The following VAMP4 variants were observed in gnomAD, a reference collection of about 807,000 sequenced individuals.
VAMP4 encodes vesicle associated membrane protein 4.
In VAMP4, 19 loss-of-function variants were observed where a neutral mutation model predicts 23.5. The ratio of observed to expected loss-of-function variants is 0.81; its 90% CI spans 0.56 to 1.19. The LOEUF is 1.19. Among genes scored for constraint, VAMP4 ranks in the 50% most tolerant of loss-of-function variants. The probability of loss-of-function intolerance (pLI) is 0.00; values close to 1 mark genes in which losing one functional copy is unlikely to be tolerated. For missense variants in VAMP4, 145 were observed against 168.6 expected (o/e 0.86, Z 0.78); for synonymous variants, 31 against 51.0 (o/e 0.61, Z 1.67).
intron 3 of VAMP4, among the ~76,000 whole-genome samples, chr1:171,723,172 TTCACAAGGCAATAAAATA>T (rs1364409605): frequency 6.6e-6 from 1 of 152,136 alleles, no homozygotes; most frequent in Non-Finnish European, 1.5e-5. Context: ...GATCACATGC[TTCACAAGGCAATAAAATA>T]TCACAAGGCA....
At chr1:171,730,844 A>C (rs1274393569) in intron 2 of VAMP4, among the ~76,000 whole-genome samples, 1 of 152,140 alleles carries the variant, frequency 6.6e-6, no homozygotes, top group Non-Finnish European at 1.5e-5. Context: ...AAATATAAGA[A>C]ATACAATGAA....
rs1654655066 is a variant in VAMP4, at chr1:171,706,425, C to A, written c.346-7G>T. On this transcript the variant is annotated splice_region_variant and splice_polypyrimidine_tract_variant and intron_variant, in intron 6 of 7. Coordinates refer to ENST00000236192, the MANE Select transcript of VAMP4 (RefSeq NM_003762.5). Reference sequence around the variant, plus strand: ...AAGCCATGATGGCTTTTATCTACAACACACAAAAGGGCATATATATTAATA... The same window carrying A: ...AAGCCATGATGGCTTTTATCTACAAAACACAAAAGGGCATATATATTAATA... 2 of 1,605,816 alleles carry A rather than the reference C, an allele frequency of 1.2e-6. No individual in the cohort carries two copies. Among genetic ancestry groups the A allele is most frequent in the African/African-American group, 2.7e-5 (2 of 74,576 alleles).
At chr1:171,727,246 A>G (rs1655403351) in intron 3 of VAMP4, among the ~76,000 whole-genome samples, 1 of 150,264 alleles carries the variant, frequency 6.7e-6, no homozygotes. Flanking sequence ...GTCTCAAAAA[A>G]AAAAAAAAAA....
chr1:171,724,627 G>A (rs1655308329), intron 3 of VAMP4, among the ~76,000 whole-genome samples: 1 of 152,068 alleles, frequency 6.6e-6, no homozygotes, highest in South Asian at 2.1e-4. Context: ...ACCAAATATT[G>A]TTAAGATGTT....
intron 4 of VAMP4, among the ~76,000 whole-genome samples, chr1:171,718,134 C>T (rs1655077311): frequency 6.6e-6 from 1 of 152,126 alleles, no homozygotes; most frequent in African/African-American, 2.4e-5. Flanking sequence ...CAATAGAAAA[C>T]TAATACACCC....
chr1:171,730,285 A>G (rs1032082262), intron 2 of VAMP4, among the ~76,000 whole-genome samples: 6 of 152,246 alleles, frequency 3.9e-5, no homozygotes, highest in African/African-American at 1.4e-4. Context: ...GAATTACACC[A>G]GCCAAAAAGA....
intron 7 of VAMP4, among the ~76,000 whole-genome samples, chr1:171,705,119 G>C (rs982895614): frequency 1.2e-4 from 19 of 152,078 alleles, no homozygotes; most frequent in African/African-American, 4.1e-4. Flanking sequence ...ATAGGGTTAA[G>C]TTCCTGTGAG....
chr1:171,739,466 GT>G (rs1655855497), intron 1 of VAMP4, among the ~76,000 whole-genome samples: 1 of 152,146 alleles, frequency 6.6e-6, no homozygotes, highest in Admixed American at 6.5e-5. Flanking sequence ...TAAACAAAGT[GT>G]TTCTCTTAAT....
chr1:171,714,855 C>T (rs991959929), intron 4 of VAMP4, among the ~76,000 whole-genome samples: 3 of 152,080 alleles, frequency 2.0e-5, no homozygotes, highest in Non-Finnish European at 4.4e-5. Context: ...GATTATACTC[C>T]AGTAGGGAAA....
chr1:171,739,163 T>C (rs914666691), intron 1 of VAMP4, among the ~76,000 whole-genome samples: 4 of 152,208 alleles, frequency 2.6e-5, no homozygotes, highest in Admixed American at 6.5e-5. Context: ...CAGAAAAACC[T>C]AGGCATGATT....
intron 6 of VAMP4, among the ~76,000 whole-genome samples, chr1:171,707,884 T>C (rs1381691716): frequency 6.6e-6 from 1 of 152,162 alleles, no homozygotes; most frequent in African/African-American, 2.4e-5. Flanking sequence ...AAATGTACAT[T>C]ATGACCATCT....
At chr1:171,724,179 T>C (rs1655289498) in intron 3 of VAMP4, among the ~76,000 whole-genome samples, 2 of 152,014 alleles carry the variant, frequency 1.3e-5, no homozygotes, top group African/African-American at 4.8e-5. Context: ...TGTAGGGACA[T>C]GGATGAAGCT....
chr1:171,714,840 A>C (rs764857607), intron 4 of VAMP4, among the ~76,000 whole-genome samples: 2 of 152,220 alleles, frequency 1.3e-5, no homozygotes, highest in African/African-American at 2.4e-5. Flanking sequence ...CCTGGTATTT[A>C]GAAAGATTAT....
In VAMP4 at chr1:171,723,354, G is replaced by A. The variant is rs147567769; in HGVS notation, c.114-4133C>T. ...AAATTTACTGGGCAGGAATTTCCTC[G>A]TTCTAATAGGCCTGGGAGACCAGGG... On this transcript the variant is annotated intron_variant, in intron 3 of 7. Transcript: ENST00000236192. Among the ~76,000 whole-genome samples the A allele has an allele frequency of 6.1e-3, 930 of 152,232 alleles. 6 individuals carry two copies. Among genetic ancestry groups the A allele is most frequent in the African/African-American group, 0.019 (802 of 41,522 alleles).
chr1:171,706,412 C>T lies in VAMP4; in HGVS notation c.352G>A (p.Ala118Thr), dbSNP rs377614084. Residue 118 changes from alanine (A) to threonine (T), a missense_variant, in exon 7 of 8, where the codon GCC becomes ACC. Ala to Thr is a moderately conservative substitution (Grantham distance 58, BLOSUM62 0). Transcript: ENST00000236192. ...ATAGCAGCAACCAAAGCCATGATGG[C>T]TTTTATCTACAACACACAAAAGGGC... Reference protein sequence around the residue: ...QMWWRGCKIKAIMALVAAILL... With the variant: ...QMWWRGCKIKTIMALVAAILL... 64 of 1,607,736 alleles carry T rather than the reference C, an allele frequency of 4.0e-5. No homozygotes were observed. Among genetic ancestry groups the T allele is most frequent in the Non-Finnish European group, 4.6e-5 (54 of 1,176,970 alleles).
At chr1:171,729,237 T>C (rs1407727835) in intron 2 of VAMP4, among the ~76,000 whole-genome samples, 2 of 152,168 alleles carry the variant, frequency 1.3e-5, no homozygotes, top group Admixed American at 1.3e-4. Context: ...TCAAACAGTA[T>C]ACAAGTTAAG....
intron 4 of VAMP4, among the ~76,000 whole-genome samples, chr1:171,717,009 T>A (rs1299266874): frequency 6.6e-6 from 1 of 152,210 alleles, no homozygotes; most frequent in Non-Finnish European, 1.5e-5. Context: ...AATACATAAA[T>A]ATACAAATTC....
chr1:171,702,443 T>G lies in VAMP4; in HGVS notation c.*2063A>C, dbSNP rs1210420178. The G allele has an allele frequency of 6.6e-6, 1 of 152,026 alleles. No homozygotes were observed. Among genetic ancestry groups the G allele is most frequent in the African/African-American group, 2.4e-5 (1 of 41,454 alleles). 9.4% of individuals were successfully genotyped at this position (152,026 alleles called of 1,614,324 possible). On this transcript the variant is annotated 3_prime_UTR_variant, in exon 8 of 8. Coordinates refer to ENST00000236192, the MANE Select transcript of VAMP4 (RefSeq NM_003762.5). The stretch of plus-strand genomic sequence containing the variant: ...TTTAAAAATTTTATAATTTTACATT[T>G]TGTAATTATTTATTTAAAAGTGGCA...
At chr1:171,722,586 G>C (rs964765597) in intron 3 of VAMP4, among the ~76,000 whole-genome samples, 2 of 152,174 alleles carry the variant, frequency 1.3e-5, no homozygotes, top group Admixed American at 1.3e-4. Context: ...CCATCAAAAA[G>C]TGGGCGAAGG....
Sources: gnomAD v4.1 joint callset for allele counts (sites outside exome capture counted in the v4.1 genomes callset) on GRCh38, gnomAD v4.1.1 for gene constraint, MANE v1.5 for transcripts, NCBI Gene and HGNC (gene_info 2026-07-23, HGNC 2026-07-21) for gene names.